The following SH2B2 variants were observed in gnomAD, a reference collection of about 807,000 sequenced individuals.
SH2B2 encodes the protein SH2B adaptor protein 2, also known as SH2B adapter protein 2.
Under a neutral mutation model 35.7 loss-of-function variants are expected in SH2B2, and 37 were observed. That is an observed-to-expected ratio of 1.04 (90% CI 0.80 to 1.36). SH2B2 has a LOEUF of 1.36. Among genes scored for constraint, SH2B2 ranks in the 40% most tolerant of loss-of-function variants. The probability of loss-of-function intolerance (pLI) is 0.00; values close to 1 mark genes in which losing one functional copy is unlikely to be tolerated. For missense variants in SH2B2, 852 were observed against 817.7 expected (o/e 1.04, Z -0.51); for synonymous variants, 383 against 376.4 (o/e 1.02, Z -0.20).
Position 102,321,587 on chromosome 7 carries a change from CCGGCCGCGCG to C in SH2B2, c.1859_1868del (p.Gly620AlafsTer25). Reference sequence around the variant, plus strand: ...GCCGAGGAGCCCCCGGAGGCCGCGCCCGGCCGCGCGCGCGCCGTGGAGAACCAGTACTCCT... The same window carrying C: ...GCCGAGGAGCCCCCGGAGGCCGCGCCCGCGCCGTGGAGAACCAGTACTCCT... On this transcript the variant is annotated frameshift_variant, in exon 9 of 9. Coordinates refer to ENST00000444095, the MANE Select transcript of SH2B2 (RefSeq NM_001359228.2). LOFTEE classifies it high-confidence loss of function. 1 of 1,159,826 alleles carries C rather than the reference CCGGCCGCGCG, an allele frequency of 8.6e-7. No individual in the cohort carries two copies. Among genetic ancestry groups the C allele is most frequent in the Non-Finnish European group, 1.1e-6 (1 of 942,946 alleles). The allele number at this position is 1,159,826 out of a possible 1,614,324, so 71.8% of individuals were successfully genotyped here. A position where few individuals can be genotyped will look rare whatever the true frequency, so the allele number is the denominator to read the frequency against.
At chr7:102,285,987 T>C (rs2023482), upstream of SH2B2, among the ~76,000 whole-genome samples, 54,428 of 152,044 alleles carry the variant, frequency 0.36, 10,385 homozygotes, top group East Asian at 0.73. Flanking sequence ...GCCCCCGCGC[T>C]GTGCCCTCAG....
chr7:102,293,232 T>C (rs1722297718), intron 1 of SH2B2: 1 of 142,164 alleles, frequency 7.0e-6, no homozygotes, highest in South Asian at 2.3e-4. Context: ...GGTCCTCCAA[T>C]TGTCAGCGCT....
In SH2B2 at chr7:102,289,154, G is replaced by A. The variant is rs569344103; in HGVS notation, c.-30+2060G>A. Among the ~76,000 whole-genome samples the A allele has an allele frequency of 3.7e-4, 57 of 152,360 alleles. 1 individual carries two copies. The highest frequency in any genetic ancestry group is 2.9e-3 in the Admixed American group (45 of 15,312). ...TTTGGGCAGAGCAAGGCAGGGCATC[G>A]CTGTGTGGGCGTGCAGCATCTTTTG... On this transcript the variant is annotated intron_variant, in intron 1 of 8. Transcript: ENST00000444095.
intron 2 of SH2B2, among the ~76,000 whole-genome samples, chr7:102,304,321 C>A (rs1793309995): frequency 6.6e-6 from 1 of 152,168 alleles, no homozygotes; most frequent in Non-Finnish European, 1.5e-5. Context: ...GCCTCCTCAC[C>A]CCTGCAGGAA....
At chr7:102,308,541 T>C (rs2960265) in intron 3 of SH2B2, among the ~76,000 whole-genome samples, 103,465 of 152,172 alleles carry the variant, frequency 0.68, 35,506 homozygotes, top group African/African-American at 0.79. Context: ...TCAGAGGCTG[T>C]GTCTCTAAGG....
Position 102,317,406 on chromosome 7 carries a change from G to T in SH2B2, c.1395+11G>T, listed in dbSNP as rs940670250. The T allele has an allele frequency of 1.3e-6, 2 of 1,554,740 alleles. No homozygotes were observed. The highest frequency in any genetic ancestry group is 3.6e-5 in the Admixed American group (2 of 56,280). ...CAGGGCAAGGCCAAGGCAAGTGTGT[G>T]GGGGGCGCCATGGGGGTGCAGTGGC... is the stretch of plus-strand genomic sequence containing the variant. On this transcript the variant is annotated intron_variant, in intron 7 of 8. Transcript: ENST00000444095.
chr7:102,308,937 G>T (rs1178661255), intron 4 of SH2B2, 31 bp downstream of exon 4: 2 of 1,552,212 alleles, frequency 1.3e-6, no homozygotes, highest in Admixed American at 1.7e-5. Context: ...AAGATGGGTG[G>T]ACAGGCTGGG....
At position 102,301,043 on chromosome 7, in the gene SH2B2, G is replaced by A; in HGVS notation, c.493G>A (p.Ala165Thr). The change falls in exon 2 of 9, where the codon GCC (alanine) becomes ACC (threonine). Residue 165 changes from alanine to threonine, a missense_variant. By Grantham distance (58) the Ala-to-Thr change is moderately conservative. Around this residue, in one of 3 missense-constraint regions of SH2B2, gnomAD observed 294 missense variants for 286.6 expected, o/e 1.03. Coordinates refer to ENST00000444095, the MANE Select transcript of SH2B2 (RefSeq NM_001359228.2). The part of the protein sequence containing the change: ...RASPEPDAAA[A>T]PRTAEPRDKW... ...CTCGCCCGAGCCCGACGCGGCAGCT[G>A]CCCCGCGCACCGCCGAGCCCCGCGA... 2 of 1,373,094 alleles carry A rather than the reference G, an allele frequency of 1.5e-6. No homozygotes were observed. 85.1% of individuals were successfully genotyped at this position (1,373,094 alleles called of 1,614,324 possible).
rs1794075727 is a variant in SH2B2, at chr7:102,321,416, A to ACGCCGCCGG, written c.1690_1698dup (p.Ala564_Ala566dup). ...GCCTGCCCGCCTGCCTCGCCCTCCGACGCCGCCGGCGCCTCCTCGTCTTCC... is the reference window on the plus strand; with the variant it reads ...GCCTGCCCGCCTGCCTCGCCCTCCGACGCCGCCGGCGCCGCCGGCGCCTCCTCGTCTTCC... On this transcript the variant is annotated inframe_insertion, in exon 9 of 9. Transcript: ENST00000444095. The ACGCCGCCGG allele has an allele frequency of 7.5e-7, 1 of 1,337,282 alleles. No homozygotes were observed. Among genetic ancestry groups the ACGCCGCCGG allele is most frequent in the African/African-American group, 1.5e-5 (1 of 64,528 alleles). The allele number at this position is 1,337,282 out of a possible 1,614,324, so 82.8% of individuals were successfully genotyped here. A position where few individuals can be genotyped will look rare whatever the true frequency, so the allele number is the denominator to read the frequency against.
chr7:102,320,553 G>T, intron 8 of SH2B2, 51 bp downstream of exon 8: 1 of 1,573,496 alleles, frequency 6.4e-7, no homozygotes, highest in Non-Finnish European at 8.6e-7. Flanking sequence ...ACTTCCCGTT[G>T]ATTACTCAAG....
intron 7 of SH2B2, among the ~76,000 whole-genome samples, chr7:102,319,759 T>C (rs1793982200): frequency 6.6e-6 from 1 of 152,140 alleles, no homozygotes; most frequent in Non-Finnish European, 1.5e-5. Flanking sequence ...TTTCTTACCC[T>C]GAGGCACCTG....
At chr7:102,299,830 G>C (rs999623147) in intron 1 of SH2B2, among the ~76,000 whole-genome samples, 1 of 152,214 alleles carries the variant, frequency 6.6e-6, no homozygotes, top group East Asian at 1.9e-4. Context: ...GCCAGCCCCA[G>C]GAATGACCCT....
At chr7:102,295,443 T>TGGC (rs1792867101) in intron 1 of SH2B2, among the ~76,000 whole-genome samples, 2 of 152,068 alleles carry the variant, frequency 1.3e-5, no homozygotes, top group Non-Finnish European at 2.9e-5. Flanking sequence ...CCCCTGCAGG[T>TGGC]CATGGCCTGG....
At chr7:102,288,718 A>G (rs1360787742) in intron 1 of SH2B2, among the ~76,000 whole-genome samples, 2 of 152,154 alleles carry the variant, frequency 1.3e-5, no homozygotes, top group Non-Finnish European at 2.9e-5. Flanking sequence ...TGCCAAGCTA[A>G]GGGCATCAGG....
intron 6 of SH2B2, 48 bp from the exon 7 acceptor site, chr7:102,317,139 C>T (rs1554557144): frequency 4.9e-6 from 7 of 1,430,880 alleles, no homozygotes; most frequent in South Asian, 3.8e-5. Flanking sequence ...TTATTTGTCC[C>T]CCTTTCTCCT....
At chr7:102,300,473 C>T (rs1344724670) in intron 1 of SH2B2, 49 bp from the exon 2 acceptor site, 3 of 1,478,314 alleles carry the variant, frequency 2.0e-6, no homozygotes, top group East Asian at 2.5e-5. Context: ...GACAGGTGGG[C>T]GCATTGATCA....
intron 4 of SH2B2, among the ~76,000 whole-genome samples, chr7:102,310,079 G>A (rs1554555754): frequency 6.6e-6 from 1 of 152,216 alleles, no homozygotes; most frequent in Admixed American, 6.5e-5. Context: ...ACTTTGGGAG[G>A]CCGAGGCAGG....
intron 1 of SH2B2, among the ~76,000 whole-genome samples, chr7:102,294,402 G>T (rs1433195041): frequency 4.6e-5 from 7 of 152,152 alleles, no homozygotes; most frequent in African/African-American, 1.7e-4. Context: ...CCTAGAGAGG[G>T]CTTGAAACAC....
Position 102,321,204 on chromosome 7 carries a change from G to A in SH2B2, c.1568-95G>A, listed in dbSNP as rs1487320613. Reference sequence around the variant, plus strand: ...GACATGGGCTGCAACTCGGAAACCTGAGCGTGGGCCCTGGCCCCTTGAGGG... The same window carrying A: ...GACATGGGCTGCAACTCGGAAACCTAAGCGTGGGCCCTGGCCCCTTGAGGG... On this transcript the variant is annotated intron_variant, in intron 8 of 8. Coordinates refer to ENST00000444095, the MANE Select transcript of SH2B2 (RefSeq NM_001359228.2). 8 of 1,107,672 alleles carry A rather than the reference G, an allele frequency of 7.2e-6. No homozygotes were observed. The African/African-American group carries it at 9.9e-5, about 14-fold the overall frequency. The allele number at this position is 1,107,672 out of a possible 1,614,324, so 68.6% of individuals were successfully genotyped here. A position where few individuals can be genotyped will look rare whatever the true frequency, so the allele number is the denominator to read the frequency against.
Sources: gnomAD v4.1 joint callset for allele counts (sites outside exome capture counted in the v4.1 genomes callset) on GRCh38, gnomAD v4.1.1 for gene constraint, gnomAD v4.1.1 regional missense constraint, MANE v1.5 for transcripts, NCBI Gene and HGNC (gene_info 2026-07-23, HGNC 2026-07-21) for gene names.